Variants in CDH6 observed in about 807,000 individuals in gnomAD.
The protein encoded by CDH6 is cadherin 6, also known as cadherin-6.
Under a neutral mutation model 78.0 loss-of-function variants are expected in CDH6, and 31 were observed. The ratio of observed to expected loss-of-function variants is 0.40; its 90% CI spans 0.30 to 0.54. The LOEUF is 0.54. Ranked by LOEUF, CDH6 falls within the 20% of genes least tolerant of loss-of-function variation. The pLI, the probability that CDH6 is intolerant of heterozygous loss-of-function variation, is 0.56. For missense variants in CDH6, 724 were observed against 975.9 expected, an observed-to-expected ratio of 0.74 and a Z score of 3.44; for synonymous variants, 376 against 368.8, an observed-to-expected ratio of 1.02 and a Z score of -0.23.
rs750696655 is a variant in CDH6, at chr5:31,326,680, A to ATTTTTTTTTTTTTT, written c.*3372_*3373insTTTTTTTTTTTTTT. 1.5e-5 allele frequency: 2 copies of ATTTTTTTTTTTTTT among 130,318 alleles called. No individual in the cohort carries two copies. The highest frequency in any genetic ancestry group is 1.6e-5 in the Non-Finnish European group (1 of 61,680). 8.1% of individuals were successfully genotyped at this position (130,318 alleles called of 1,614,324 possible). A position where few individuals can be genotyped will look rare whatever the true frequency, so the allele number is the denominator to read the frequency against. ...CAAAGAGTTGTGCAGAAAATCTTAA[A>ATTTTTTTTTTTTTT]ATTTTTTTTTTTTTTTTTTTTTTTT... is the stretch of plus-strand genomic sequence containing the variant. On this transcript the variant is annotated 3_prime_UTR_variant, in exon 12 of 12. Transcript: ENST00000265071.
intron 7 of CDH6, among the ~76,000 whole-genome samples, chr5:31,312,888 A>G (rs1738196455): frequency 6.6e-6 from 1 of 151,878 alleles, no homozygotes; most frequent in Non-Finnish European, 1.5e-5. Context: ...TCAACAGATG[A>G]TTTTTAAAAT....
intron 1 of CDH6, among the ~76,000 whole-genome samples, chr5:31,203,635 T>G (rs947357674): frequency 4.6e-5 from 7 of 151,440 alleles, no homozygotes; most frequent in African/African-American, 1.7e-4. Context: ...ATTTTCTTAA[T>G]CCAGTCTATC....
At chr5:31,267,741 G>C in intron 2 of CDH6, 40 bp downstream of exon 2, 2 of 1,434,276 alleles carry the variant, frequency 1.4e-6, no homozygotes, top group Non-Finnish European at 2.0e-6. Flanking sequence ...TGGGTTTAAA[G>C]CCTGAAGAAG....
Position 31,328,854 on chromosome 5 carries a change from G to C in CDH6, c.*5546G>C. On this transcript the variant is annotated 3_prime_UTR_variant, in exon 12 of 12. Coordinates refer to ENST00000265071, the MANE Select transcript of CDH6 (RefSeq NM_004932.4). ...GTTCCCATCAACATTTCTAGTTAGG[G>C]GGATTCTCATAACCCCACAGTTTAC... 1 of 219,450 alleles carries C rather than the reference G, an allele frequency of 4.6e-6. No homozygotes were observed. The highest frequency in any genetic ancestry group is 6.7e-5 in the East Asian group (1 of 14,924). The allele number at this position is 219,450 out of a possible 1,614,324, so 13.6% of individuals were successfully genotyped here.
chr5:31,308,472 A>G (rs13171229), intron 7 of CDH6, among the ~76,000 whole-genome samples: 2 of 151,024 alleles, frequency 1.3e-5, no homozygotes, highest in East Asian at 3.9e-4. Context: ...AGGATCTGCT[A>G]TGATCATGAT....
intron 1 of CDH6, among the ~76,000 whole-genome samples, chr5:31,263,152 G>C (rs1742252961): frequency 6.6e-6 from 1 of 152,022 alleles, no homozygotes; most frequent in South Asian, 2.1e-4. Context: ...TAAGTGCAAG[G>C]TCGAGGTGCC....
At chr5:31,282,399 T>TTCTCTCTTCCTCTCTCTCTC (rs2149941106) in intron 2 of CDH6, among the ~76,000 whole-genome samples, 2 of 151,950 alleles carry the variant, frequency 1.3e-5, no homozygotes, top group Admixed American at 6.6e-5. Context: ...CTCTCTCTCT[T>TTCTCTCTTCCTCTCTCTCTC]TCTCTCTTCC....
At chr5:31,268,518 C>G (rs1286658352) in intron 2 of CDH6, among the ~76,000 whole-genome samples, 1 of 152,182 alleles carries the variant, frequency 6.6e-6, no homozygotes, top group African/African-American at 2.4e-5. Context: ...TGCAGAATAT[C>G]TGCATACTGA....
intron 1 of CDH6, among the ~76,000 whole-genome samples, chr5:31,202,356 C>T (rs569037948): frequency 5.3e-5 from 8 of 152,180 alleles, no homozygotes; most frequent in Admixed American, 1.3e-4. Flanking sequence ...ATTTGCAGGC[C>T]GGGCATGGTG....
intron 1 of CDH6, among the ~76,000 whole-genome samples, chr5:31,263,259 C>CTTTTT (rs58797373): frequency 7.8e-6 from 1 of 127,738 alleles, no homozygotes; most frequent in Non-Finnish European, 1.6e-5. Context: ...GGTCTCTCTT[C>CTTTTT]TTTTTTTTTT....
chr5:31,214,933 T>C (rs1740823167), intron 1 of CDH6, among the ~76,000 whole-genome samples: 3 of 152,228 alleles, frequency 2.0e-5, no homozygotes, highest in South Asian at 2.1e-4. Context: ...CTAGTTTCTA[T>C]GATTGAAATT....
intron 2 of CDH6, among the ~76,000 whole-genome samples, chr5:31,285,564 A>G (rs1742989638): frequency 6.6e-6 from 1 of 152,242 alleles, no homozygotes; most frequent in African/African-American, 2.4e-5. Flanking sequence ...GCTTTATGCA[A>G]CTGGTCAGAC....
chr5:31,300,180 A>C (rs541783595), intron 5 of CDH6, among the ~76,000 whole-genome samples: 1 of 152,346 alleles, frequency 6.6e-6, no homozygotes, highest in African/African-American at 2.4e-5. Context: ...TAGTGATTAG[A>C]TAAAAGGAAG....
chr5:31,236,157 T>C (rs1486602577), intron 1 of CDH6, among the ~76,000 whole-genome samples: 1 of 152,212 alleles, frequency 6.6e-6, no homozygotes, highest in Admixed American at 6.5e-5. Flanking sequence ...AGTTCTACAC[T>C]GTGGCAAATG....
chr5:31,229,634 A>C (rs10805563), intron 1 of CDH6, among the ~76,000 whole-genome samples: 23,750 of 152,210 alleles, frequency 0.16, 2,490 homozygotes, highest in East Asian at 0.52. Context: ...ACTTGTGAGA[A>C]TTCAAGAAAC....
intron 1 of CDH6, among the ~76,000 whole-genome samples, chr5:31,211,946 CATATTTA>C (rs1223484240): frequency 6.6e-6 from 1 of 152,046 alleles, no homozygotes; most frequent in African/African-American, 2.4e-5. Flanking sequence ...ATAAAAGCTC[CATATTTA>C]ATTAGGAGAC....
intron 11 of CDH6, among the ~76,000 whole-genome samples, chr5:31,319,260 T>C (rs547065732): frequency 6.9e-4 from 105 of 152,280 alleles, no homozygotes; most frequent in African/African-American, 2.5e-3. Flanking sequence ...CCTCCGCCTT[T>C]CATTTCCTTC....
intron 5 of CDH6, 107 bp downstream of exon 5, chr5:31,299,738 T>G: frequency 1.1e-6 from 1 of 889,880 alleles, no homozygotes; most frequent in South Asian, 1.6e-5. Context: ...TTAGTGGACT[T>G]AAGAAGAACT....
At chr5:31,197,620 A>G (rs1212810556) in intron 1 of CDH6, among the ~76,000 whole-genome samples, 1 of 152,200 alleles carries the variant, frequency 6.6e-6, no homozygotes, top group Non-Finnish European at 1.5e-5. Flanking sequence ...ACATTATGGT[A>G]ATAGGAGAAC....
Sources: allele counts gnomAD v4.1 joint callset (sites outside exome capture counted in the v4.1 genomes callset), GRCh38; gene constraint gnomAD v4.1.1; transcripts MANE v1.5; gene names NCBI Gene and HGNC (gene_info 2026-07-23, HGNC 2026-07-21).